GRM4: variants seen among roughly 807,000 people sequenced by gnomAD.
The protein encoded by GRM4 is metabotropic glutamate receptor 4.
A neutral mutation model predicts 81.7 loss-of-function variants in GRM4; 28 were observed. The ratio of observed to expected loss-of-function variants is 0.34; its 90% CI spans 0.25 to 0.47. The LOEUF is 0.47. GRM4 is among the 20% of genes least tolerant of loss of function. The pLI is 1.00. For synonymous variants in GRM4, 488 were observed against 528.8 expected, an observed-to-expected ratio of 0.92 and a Z score of 1.06; for missense variants, 948 against 1,290.0, an observed-to-expected ratio of 0.73 and a Z score of 4.06.
intron 10 of GRM4, among the ~76,000 whole-genome samples, chr6:34,024,014 C>T (rs1161318207): frequency 1.3e-5 from 2 of 152,194 alleles, no homozygotes; most frequent in Non-Finnish European, 2.9e-5. Context: ...CTAAAAGCTG[C>T]CCTGACCCTC....
chr6:34,093,650 A>G (rs141581389), intron 2 of GRM4, among the ~76,000 whole-genome samples: 4 of 152,246 alleles, frequency 2.6e-5, no homozygotes, highest in East Asian at 3.9e-4. Flanking sequence ...GTCAATGCAT[A>G]GTAGGTCCCA....
Position 34,022,873 on chromosome 6 carries a change from G to A in GRM4, c.2690-3C>T. 1 of 1,613,374 alleles carries A rather than the reference G, an allele frequency of 6.2e-7. No homozygotes were observed. The highest frequency in any genetic ancestry group is 8.5e-7 in the Non-Finnish European group (1 of 1,179,262). ...GTAAGTCTGTTTGGTGGCCAGCGCT[G>A]GAAGGAGAGAGACCAGGGGTACCCA... On this transcript the variant is annotated splice_region_variant and splice_polypyrimidine_tract_variant and intron_variant, in intron 10 of 10. Coordinates refer to ENST00000538487, the MANE Select transcript of GRM4 (RefSeq NM_000841.4). The surrounding 1 kb of genome is among the most constrained non-coding windows in gnomAD (Gnocchi z 5.6).
intron 10 of GRM4, among the ~76,000 whole-genome samples, chr6:34,027,328 G>A (rs1489643022): frequency 2.0e-5 from 3 of 152,140 alleles, no homozygotes; most frequent in Admixed American, 6.5e-5. Flanking sequence ...GCACTGCTCC[G>A]TTACCAGCCC....
At chr6:34,123,148 G>C (rs1401083285) in intron 2 of GRM4, among the ~76,000 whole-genome samples, 2 of 152,260 alleles carry the variant, frequency 1.3e-5, no homozygotes, top group African/African-American at 2.4e-5. Flanking sequence ...GCAGGACCTG[G>C]GCCACAGGTT....
chr6:34,071,101 A>G (rs2127468898), intron 3 of GRM4, among the ~76,000 whole-genome samples: 1 of 151,798 alleles, frequency 6.6e-6, no homozygotes, highest in South Asian at 2.1e-4. Flanking sequence ...CTCCACATAC[A>G]CACCCACAAA....
intron 1 of GRM4, among the ~76,000 whole-genome samples, chr6:34,142,674 C>T (rs982347504): frequency 3.9e-5 from 6 of 152,218 alleles, no homozygotes; most frequent in Admixed American, 1.3e-4. Flanking sequence ...GGCTAGCACA[C>T]TGCTCAGTTC....
Position 34,133,577 on chromosome 6 carries a change from A to G in GRM4, c.-81T>C, listed in dbSNP as rs1472850586. 4.7e-6 allele frequency: 7 copies of G among 1,491,216 alleles called. No homozygotes were observed. The Admixed American group carries it at 6.9e-5, about 15-fold the overall frequency. 92.4% of individuals were successfully genotyped at this position (1,491,216 alleles called of 1,614,324 possible). On this transcript the variant is annotated 5_prime_UTR_variant, in exon 2 of 11. It removes an upstream start codon present in the reference 5' UTR. Coordinates refer to ENST00000538487, the MANE Select transcript of GRM4 (RefSeq NM_000841.4). The surrounding 1 kb of genome is among the most constrained non-coding windows in gnomAD (Gnocchi z 6.5). ...CCCTGGCCCCACGGCCTGGGTGGGC[A>G]TGGGCAGGGCAGCTTCAGCAGCAGG...
intron 3 of GRM4, 198 bp downstream of exon 3, chr6:34,091,685 C>T (rs1768224025): frequency 5.1e-6 from 3 of 593,676 alleles, no homozygotes; most frequent in Non-Finnish European, 9.0e-6. Flanking sequence ...TCACAGTCGC[C>T]GTTGACCGGA....
At chr6:34,127,686 G>A (rs1187241258) in intron 2 of GRM4, among the ~76,000 whole-genome samples, 1 of 152,178 alleles carries the variant, frequency 6.6e-6, no homozygotes, top group Non-Finnish European at 1.5e-5. Flanking sequence ...TATGGGGATG[G>A]AGGCCGTGAG....
chr6:34,057,268 C>T (rs1765945037), intron 5 of GRM4, among the ~76,000 whole-genome samples: 1 of 105,428 alleles, frequency 9.5e-6, no homozygotes, highest in Admixed American at 9.0e-5. Flanking sequence ...AACAACACCC[C>T]CTCCTCCTCC....
At chr6:34,106,006 G>A (rs1769109361) in intron 2 of GRM4, 1 of 152,236 alleles carries the variant, frequency 6.6e-6, no homozygotes, top group Non-Finnish European at 1.5e-5. Context: ...CCTCCTATTG[G>A]GCTCCGGCCT....
chr6:34,040,616 A>T lies in GRM4; in HGVS notation c.1301T>A (p.Leu434His). The T allele has an allele frequency of 6.2e-7, 1 of 1,614,098 alleles. No individual in the cohort carries two copies. Among genetic ancestry groups the T allele is most frequent in the East Asian group, 2.2e-5 (1 of 44,884 alleles). The change falls in exon 7 of 11, where the codon CTC becomes CAC. Residue 434 changes from leucine (L) to histidine (H), a missense_variant. Coordinates refer to ENST00000538487, the MANE Select transcript of GRM4 (RefSeq NM_000841.4). ...ATCTACAGGGTCCATGCGCGGGCAG[A>T]GCCCCACGCGGCCGGGACACAGGTC... is the stretch of plus-strand genomic sequence containing the variant. ...HRDLCPGRVG[L>H]CPRMDPVDGT...
chr6:34,148,064 A>AGCTGTG (rs1429442194), upstream of GRM4, among the ~76,000 whole-genome samples: 2 of 87,128 alleles, frequency 2.3e-5, no homozygotes, highest in African/African-American at 4.7e-5. Flanking sequence ...GCCCCCCACC[A>AGCTGTG]GCTGTGTCGC....
intron 6 of GRM4, among the ~76,000 whole-genome samples, chr6:34,044,170 A>G (rs541729867): frequency 7.0e-5 from 6 of 85,368 alleles, no homozygotes; most frequent in Non-Finnish European, 1.1e-4. Flanking sequence ...ATACACACAC[A>G]TATACATACA....
chr6:34,061,727 T>C, intron 4 of GRM4, 166 bp downstream of exon 4: 1 of 656,338 alleles, frequency 1.5e-6, no homozygotes, highest in Non-Finnish European at 2.7e-6. Flanking sequence ...GCTTGTGCTC[T>C]AGCCTGTGGG....
In GRM4 at chr6:34,068,158, G is replaced by T. The variant is rs995895482; in HGVS notation, c.737-6130C>A. ...GCAGCATGACGTGCTGGAGGGAGACGGGGGGGCTGCATCCCCTCAGCCCAC... is the reference window on the plus strand; with the variant it reads ...GCAGCATGACGTGCTGGAGGGAGACTGGGGGGCTGCATCCCCTCAGCCCAC... On this transcript the variant is annotated intron_variant, in intron 3 of 10. Transcript: ENST00000538487. This position sits in a 1 kb window ranked among gnomAD's most constrained non-coding sequence, Gnocchi z 4.2. 6.6e-6 allele frequency among the ~76,000 whole-genome samples: 1 copy of T among 151,462 alleles called. No homozygotes were observed. The highest frequency in any genetic ancestry group is 2.4e-5 in the African/African-American group (1 of 40,970).
chr6:34,144,188 C>G (rs964452354), intron 1 of GRM4, among the ~76,000 whole-genome samples: 1 of 152,240 alleles, frequency 6.6e-6, no homozygotes, highest in Admixed American at 6.5e-5. Flanking sequence ...CTGCCGCCGC[C>G]GATGCTGCTG....
chr6:34,025,145 T>C (rs1244060673), intron 10 of GRM4, among the ~76,000 whole-genome samples: 1 of 152,164 alleles, frequency 6.6e-6, no homozygotes, highest in Non-Finnish European at 1.5e-5. Flanking sequence ...TCCCTGCTTG[T>C]AACTTGAGCA....
At position 34,059,327 on chromosome 6, in the gene GRM4, C is replaced by T. The variant is rs10214848; in HGVS notation, c.873-199G>A. 2.2e-4 allele frequency: 133 copies of T among 601,226 alleles called. No individual in the cohort carries two copies. The highest frequency in any genetic ancestry group is 9.8e-4 in the African/African-American group (53 of 54,026). The allele number at this position is 601,226 out of a possible 1,614,324, so 37.2% of individuals were successfully genotyped here. ...CACCTGCTCATAGACCCATGGCTACCGCCTCATCCAACCTGCCTGCCCCTG... is the reference window on the plus strand; with the variant it reads ...CACCTGCTCATAGACCCATGGCTACTGCCTCATCCAACCTGCCTGCCCCTG... On this transcript the variant is annotated intron_variant, in intron 4 of 10. Coordinates refer to ENST00000538487, the MANE Select transcript of GRM4 (RefSeq NM_000841.4). This position sits in a 1 kb window ranked among gnomAD's most constrained non-coding sequence, Gnocchi z 5.7.
Sources: gnomAD v4.1 joint callset for allele counts (sites outside exome capture counted in the v4.1 genomes callset) on GRCh38, gnomAD v4.1.1 for gene constraint, Gnocchi (gnomAD v3.1) non-coding constraint, MANE v1.5 for transcripts, NCBI Gene and HGNC (gene_info 2026-07-23, HGNC 2026-07-21) for gene names.